The following CDH8 variants were observed in gnomAD, a reference collection of about 807,000 sequenced individuals.
CDH8 encodes the protein cadherin-8.
In CDH8, 17 loss-of-function variants were observed where a neutral mutation model predicts 68.1. The observed-to-expected ratio is 0.25, with a 90% CI of 0.17 to 0.37. The LOEUF (loss-of-function observed/expected upper bound fraction) is 0.37, where lower values mean the gene tolerates loss of function less well. Ranked by LOEUF, CDH8 falls within the 10% of genes least tolerant of loss-of-function variation. The pLI is 1.00. For missense variants in CDH8, 763 were observed against 999.3 expected, an observed-to-expected ratio of 0.76 and a Z score of 3.19; for synonymous variants, 372 against 365.1, an observed-to-expected ratio of 1.02 and a Z score of -0.21.
rs138375656 is a variant in CDH8 at position 61,942,898 on chromosome 16, C to T, written c.253-41425G>A. Among the ~76,000 whole-genome samples the T allele has an allele frequency of 9.2e-5, 14 of 152,102 alleles. No homozygotes were observed. The East Asian group carries it at 2.5e-3, about 27-fold the overall frequency. On this transcript the variant is annotated intron_variant, in intron 2 of 11. Transcript: ENST00000577390. The stretch of plus-strand genomic sequence containing the variant: ...ACCAGCCTGGACAACACGGCAAAAC[C>T]GCACCTCTACAAAATATACAAAAAA...
intron 10 of CDH8, among the ~76,000 whole-genome samples, chr16:61,656,487 C>G (rs1183330281): frequency 6.6e-6 from 1 of 152,120 alleles, no homozygotes; most frequent in Non-Finnish European, 1.5e-5. Flanking sequence ...AGTTGCAAAA[C>G]AATGCACTTT....
intron 10 of CDH8, among the ~76,000 whole-genome samples, chr16:61,657,323 A>AT (rs1399712453): frequency 6.6e-6 from 1 of 152,122 alleles, no homozygotes; most frequent in African/African-American, 2.4e-5. Flanking sequence ...GTTATATTTA[A>AT]TTTTGCTTTG....
intron 10 of CDH8, among the ~76,000 whole-genome samples, chr16:61,704,164 C>G (rs117403039): frequency 6.6e-6 from 1 of 152,170 alleles, no homozygotes; most frequent in South Asian, 2.1e-4. Context: ...AACTTTGACA[C>G]GCACATAGCG....
chr16:61,753,263 A>G (rs903202296), intron 8 of CDH8, among the ~76,000 whole-genome samples: 3 of 145,046 alleles, frequency 2.1e-5, no homozygotes, highest in Non-Finnish European at 3.0e-5. Flanking sequence ...TAATTGAGAT[A>G]TGGTCTCGCT....
Position 62,021,477 on chromosome 16 carries a change from A to G in CDH8, c.-74T>C, listed in dbSNP as rs745876058. 7.8e-6 allele frequency: 12 copies of G among 1,542,956 alleles called. No individual in the cohort carries two copies. The Admixed American group carries it at 1.9e-4, about 25-fold the overall frequency. Reference sequence around the variant, plus strand: ...TTTGTCTCCGGTCTGCAGCCATCCAATTCATCATGCAGTGCCGAGCATTTA... The same window carrying G: ...TTTGTCTCCGGTCTGCAGCCATCCAGTTCATCATGCAGTGCCGAGCATTTA... On this transcript the variant is annotated 5_prime_UTR_variant, in exon 2 of 12. Transcript: ENST00000577390.
intron 4 of CDH8, among the ~76,000 whole-genome samples, chr16:61,830,256 G>T (rs1171627818): frequency 6.6e-6 from 1 of 151,844 alleles, no homozygotes; most frequent in Admixed American, 6.6e-5. Flanking sequence ...AAAAATCATT[G>T]TTTGGTATGA....
chr16:61,685,386 T>C (rs989064094), intron 10 of CDH8, among the ~76,000 whole-genome samples: 1 of 151,936 alleles, frequency 6.6e-6, no homozygotes, highest in East Asian at 2.0e-4. Flanking sequence ...ATTTGAGGCA[T>C]ATGAATGAAT....
intron 8 of CDH8, among the ~76,000 whole-genome samples, chr16:61,749,881 G>A (rs188750153): frequency 6.6e-6 from 1 of 151,974 alleles, no homozygotes; most frequent in Non-Finnish European, 1.5e-5. Flanking sequence ...TACTTTACTG[G>A]CACCTTTTAA....
intron 8 of CDH8, among the ~76,000 whole-genome samples, chr16:61,778,743 G>A (rs1485500803): frequency 6.6e-6 from 1 of 152,094 alleles, no homozygotes; most frequent in African/African-American, 2.4e-5. Flanking sequence ...GAGAGTAAAA[G>A]AGAAATAATG....
At position 61,953,895 on chromosome 16, in the gene CDH8, T is replaced by TTATATATATATATA. The variant is rs66743095; in HGVS notation, c.253-52436_253-52423dup. ...CTGTCTCAAAAAGAAAAAAAAAACT[T>TTATATATATATATA]TATATATATATATATATATATATAT... On this transcript the variant is annotated intron_variant, in intron 2 of 11. Coordinates refer to ENST00000577390, the MANE Select transcript of CDH8 (RefSeq NM_001796.5). Among the ~76,000 whole-genome samples, 258 of 118,822 alleles carry TTATATATATATATA rather than the reference T, an allele frequency of 2.2e-3. 6 individuals carry two copies. Among genetic ancestry groups the TTATATATATATATA allele is most frequent in the African/African-American group, 8.1e-3 (216 of 26,556 alleles). 78.0% of individuals were successfully genotyped at this position (118,822 alleles called of 152,430 possible). A position where few individuals can be genotyped will look rare whatever the true frequency, so the allele number is the denominator to read the frequency against.
At chr16:61,694,479 T>G (rs1431315948) in intron 10 of CDH8, among the ~76,000 whole-genome samples, 1 of 152,100 alleles carries the variant, frequency 6.6e-6, no homozygotes, top group Non-Finnish European at 1.5e-5. Context: ...TGGAGTTTAG[T>G]CATATTGGGG....
chr16:62,000,351 G>C (rs1965874822), intron 2 of CDH8, among the ~76,000 whole-genome samples: 1 of 152,016 alleles, frequency 6.6e-6, no homozygotes, highest in African/African-American at 2.4e-5. Flanking sequence ...GGTATTTCTG[G>C]TTCTAGATCC....
chr16:61,848,819 A>G (rs1035190950), intron 4 of CDH8, among the ~76,000 whole-genome samples: 1 of 152,198 alleles, frequency 6.6e-6, no homozygotes, highest in African/African-American at 2.4e-5. Context: ...GTTAGGTACA[A>G]GTAAAATTAG....
intron 10 of CDH8, among the ~76,000 whole-genome samples, chr16:61,712,799 C>A (rs995080586): frequency 6.6e-6 from 1 of 151,550 alleles, no homozygotes; most frequent in Non-Finnish European, 1.5e-5. Flanking sequence ...TTTATCAAAG[C>A]GTCCCCACAG....
chr16:61,771,860 C>G (rs909129070), intron 8 of CDH8, among the ~76,000 whole-genome samples: 2 of 151,890 alleles, frequency 1.3e-5, no homozygotes, highest in African/African-American at 2.4e-5. Flanking sequence ...GAAACCTAGA[C>G]TGAAATTCAT....
chr16:61,772,628 T>A (rs1336469712), intron 8 of CDH8, among the ~76,000 whole-genome samples: 3 of 152,072 alleles, frequency 2.0e-5, no homozygotes, highest in Non-Finnish European at 4.4e-5. Context: ...GCTTTTCTTG[T>A]TTTCTCATTA....
chr16:61,793,808 A>G (rs1048634510), intron 7 of CDH8, among the ~76,000 whole-genome samples: 32 of 152,040 alleles, frequency 2.1e-4, no homozygotes, highest in Admixed American at 5.2e-4. Flanking sequence ...TTCTGTCTCT[A>G]GGTAACTGAG....
In CDH8 at chr16:61,820,895, T is replaced by G; in HGVS notation, c.1023+31A>C. ...AAAACTCAAGTTTCAACAAGATATT[T>G]TGAAGATGAACAAAAGCTTCCTTAG... On this transcript the variant is annotated intron_variant, in intron 6 of 11. Coordinates refer to ENST00000577390, the MANE Select transcript of CDH8 (RefSeq NM_001796.5). The G allele has an allele frequency of 3.2e-6, 5 of 1,577,906 alleles. 1 individual carries two copies. In the South Asian group the frequency reaches 4.5e-5, roughly 14 times the overall value.
chr16:61,951,823 C>T (rs559538917), intron 2 of CDH8, among the ~76,000 whole-genome samples: 4 of 152,238 alleles, frequency 2.6e-5, no homozygotes, highest in East Asian at 1.9e-4. Context: ...TGAGCCACTA[C>T]ATTAAACAAT....
Sources: allele counts gnomAD v4.1 joint callset (sites outside exome capture counted in the v4.1 genomes callset), GRCh38; gene constraint gnomAD v4.1.1; transcripts MANE v1.5; gene names NCBI Gene and HGNC (gene_info 2026-07-23, HGNC 2026-07-21).